The following SLC6A19 variants were observed in gnomAD, a reference collection of about 807,000 sequenced individuals.
SLC6A19 encodes the protein sodium-dependent neutral amino acid transporter B(0)AT1.
A neutral mutation model predicts 68.3 loss-of-function variants in SLC6A19; 67 were observed. That is an observed-to-expected ratio of 0.98 (90% CI 0.81 to 1.20). SLC6A19 has a LOEUF of 1.20. Among genes scored for constraint, SLC6A19 ranks in the 50% most tolerant of loss-of-function variants. The pLI is 0.00. For missense variants in SLC6A19, 813 were observed against 851.6 expected (o/e 0.95, Z 0.56); for synonymous variants, 392 against 374.9 (o/e 1.05, Z -0.53).
rs1429604415 is a variant in SLC6A19 at position 1,219,016 on chromosome 5, G to A, written c.1287G>A (p.Leu429=). The A allele has an allele frequency of 2.5e-6, 4 of 1,614,014 alleles. No individual in the cohort carries two copies. In the South Asian group the frequency reaches 3.3e-5, roughly 13 times the overall value. Reference sequence around the variant, plus strand: ...TCATTATGCTCTTCTGCCTGGGGCTGTCATCTATGTTTGGGAACATGGAGG... The same window carrying A: ...TCATTATGCTCTTCTGCCTGGGGCTATCATCTATGTTTGGGAACATGGAGG... The part of the protein sequence containing the change: ...LFFIMLFCLG[L]SSMFGNMEGV... The change falls in exon 9 of 12, where the codon CTG becomes CTA. Residue 429 remains leucine, a synonymous_variant. Transcript: ENST00000304460.
Position 1,215,180 on chromosome 5 carries a change from T to G in SLC6A19, c.887+1115T>G, listed in dbSNP as rs1746174059. Among the ~76,000 whole-genome samples, 1 of 152,070 alleles carries G rather than the reference T, an allele frequency of 6.6e-6. No homozygotes were observed. Among genetic ancestry groups the G allele is most frequent in the Non-Finnish European group, 1.5e-5 (1 of 67,996 alleles). On this transcript the variant is annotated intron_variant, in intron 6 of 11. Transcript: ENST00000304460. This position sits in a 1 kb window ranked among gnomAD's most constrained non-coding sequence, Gnocchi z 5.1. The stretch of plus-strand genomic sequence containing the variant: ...AGCTGGGGCAGGGCCAAGGCAGGAT[T>G]GAGGACTCTGACTTTTTCGTGGAGT...
intron 5 of SLC6A19, 90 bp downstream of exon 5, chr5:1,213,663 C>T (rs1251729573): frequency 4.6e-5 from 59 of 1,290,506 alleles, no homozygotes; most frequent in Middle Eastern, 4.7e-4. Context: ...CTCTCACCCA[C>T]GGGGACAGGC....
chr5:1,219,407 C>CT, intron 9 of SLC6A19, 98 bp from the exon 10 acceptor site: 1 of 1,537,794 alleles, frequency 6.5e-7, no homozygotes, highest in African/African-American at 1.4e-5. Flanking sequence ...AGCTCTGTCC[C>CT]TGGCCATATG....
chr5:1,210,808 C>T (rs572680079), intron 3 of SLC6A19, among the ~76,000 whole-genome samples: 13 of 152,126 alleles, frequency 8.5e-5, no homozygotes, highest in Admixed American at 4.6e-4. Context: ...CGTGGGAGCC[C>T]GGGGGGGCTG....
Position 1,212,586 on chromosome 5 carries a change from G to A in SLC6A19, c.663+102G>A, listed in dbSNP as rs115809678. The A allele has an allele frequency of 7.8e-4, 1,138 of 1,451,160 alleles. 7 individuals are homozygous for A. The African/African-American group carries it at 0.014, about 18-fold the overall frequency. 89.9% of individuals were successfully genotyped at this position (1,451,160 alleles called of 1,614,324 possible). A position where few individuals can be genotyped will look rare whatever the true frequency, so the allele number is the denominator to read the frequency against. Reference sequence around the variant, plus strand: ...TCTAAAACCCAGGTCTGGGGGTCCCGGGCTCTGCCTTTCCCCAGACCCCAC... The same window carrying A: ...TCTAAAACCCAGGTCTGGGGGTCCCAGGCTCTGCCTTTCCCCAGACCCCAC... On this transcript the variant is annotated intron_variant, in intron 4 of 11. Coordinates refer to ENST00000304460, the MANE Select transcript of SLC6A19 (RefSeq NM_001003841.3). This position sits in a 1 kb window ranked among gnomAD's most constrained non-coding sequence, Gnocchi z 5.1.
chr5:1,221,627 T>C (rs1175380813), intron 11 of SLC6A19, 74 bp from the exon 12 acceptor site: 1 of 1,569,944 alleles, frequency 6.4e-7, no homozygotes, highest in East Asian at 2.2e-5. Context: ...AGTCATGGGG[T>C]GAGGGGCCTT....
chr5:1,202,581 C>T (rs1213195060), intron 1 of SLC6A19, among the ~76,000 whole-genome samples: 7 of 152,298 alleles, frequency 4.6e-5, no homozygotes, highest in Admixed American at 3.9e-4. Context: ...TTGGGCTTGG[C>T]GAACCCCAAA....
In SLC6A19 at chr5:1,222,062, G is replaced by T. The variant is rs1235451980; in HGVS notation, c.*158G>T. The T allele has an allele frequency of 6.2e-6, 5 of 806,976 alleles. No individual in the cohort carries two copies. In the Admixed American group the frequency reaches 9.4e-5, roughly 15 times the overall value. The allele number at this position is 806,976 out of a possible 1,614,324, so 50.0% of individuals were successfully genotyped here. A position where few individuals can be genotyped will look rare whatever the true frequency, so the allele number is the denominator to read the frequency against. On this transcript the variant is annotated 3_prime_UTR_variant, in exon 12 of 12. Transcript: ENST00000304460. ...TGTACACGCATGTGCCATGTGTGCA[G>T]ATATGTATCGTGTGTGCATGTACAT...
Position 1,210,546 on chromosome 5 carries a change from C to G in SLC6A19, c.446C>G (p.Pro149Arg), listed in dbSNP as rs778015723. 1 of 1,613,304 alleles carries G rather than the reference C, an allele frequency of 6.2e-7. No individual in the cohort carries two copies. Among genetic ancestry groups the G allele is most frequent in the South Asian group, 1.1e-5 (1 of 91,086 alleles). ...YLFNSFQEPL[P>R]WSDCPLNENQ... is the part of the protein sequence containing the mutation. ...TTCAACTCCTTCCAGGAGCCTCTGC[C>G]CTGGAGCGACTGCCCGCTCAACGAG... Residue 149 changes from proline to arginine, a missense_variant, in exon 3 of 12, where the codon CCC becomes CGC. Pro to Arg is a moderately radical substitution (Grantham distance 103). Transcript: ENST00000304460.
rs772506132 is a variant in SLC6A19 at position 1,216,513 on chromosome 5, C to T, written c.888-45C>T. On this transcript the variant is annotated intron_variant, in intron 6 of 11. Transcript: ENST00000304460. ...ATGCTGCCCTGGGCTGTGTCCTGAC[C>T]TGGGACCTCATCGCCAGCCGCCATG... 39 of 1,613,172 alleles carry T rather than the reference C, an allele frequency of 2.4e-5. No individual in the cohort carries two copies. The East Asian group carries it at 2.7e-4, about 11-fold the overall frequency.
intron 8 of SLC6A19, among the ~76,000 whole-genome samples, chr5:1,218,393 G>A (rs115060265): frequency 0.013 from 2,009 of 152,316 alleles, 27 homozygotes; most frequent in African/African-American, 0.031. Flanking sequence ...GTGATGGGCC[G>A]GGGCCTGGTT....
chr5:1,220,225 C>T lies in SLC6A19; in HGVS notation c.1538+561C>T, dbSNP rs181064409. Among the ~76,000 whole-genome samples the T allele has an allele frequency of 2.6e-4, 39 of 152,102 alleles. No homozygotes were observed. In the East Asian group the frequency reaches 6.8e-3, roughly 26 times the overall value. ...AGCAGTTTGAGACCAGCCTGGCCAA[C>T]GCGATGAAACGCCGTCTCTACTAAT... On this transcript the variant is annotated intron_variant, in intron 10 of 11. Coordinates refer to ENST00000304460, the MANE Select transcript of SLC6A19 (RefSeq NM_001003841.3).
At chr5:1,217,991 G>A (rs1205530197) in intron 8 of SLC6A19, among the ~76,000 whole-genome samples, 1 of 125,996 alleles carries the variant, frequency 7.9e-6, no homozygotes, top group Non-Finnish European at 1.7e-5. Flanking sequence ...ACCAGAGTTG[G>A]CGCCTCCATC....
At chr5:1,206,300 C>G (rs773433642) in intron 1 of SLC6A19, among the ~76,000 whole-genome samples, 1 of 139,584 alleles carries the variant, frequency 7.2e-6, no homozygotes, top group Non-Finnish European at 1.5e-5. Flanking sequence ...CTGTTTCTGT[C>G]TGTGTGTGTG....
intron 10 of SLC6A19, among the ~76,000 whole-genome samples, chr5:1,220,400 G>C (rs1237418498): frequency 5.4e-5 from 7 of 128,670 alleles, no homozygotes; most frequent in African/African-American, 2.1e-4. Flanking sequence ...ACAAAATGAG[G>C]CTCCATCTCA....
At chr5:1,219,235 C>T in intron 9 of SLC6A19, 128 bp downstream of exon 9, 1 of 979,884 alleles carries the variant, frequency 1.0e-6, no homozygotes, top group Non-Finnish European at 1.5e-6. Context: ...AGCTCTGTCC[C>T]CGGCCGTGCG....
intron 8 of SLC6A19, among the ~76,000 whole-genome samples, chr5:1,218,093 A>G (rs997337373): frequency 5.1e-4 from 74 of 145,716 alleles, no homozygotes; most frequent in African/African-American, 1.7e-3. Context: ...CGTGCCTTGT[A>G]TGCACGTGCT....
intron 3 of SLC6A19, among the ~76,000 whole-genome samples, chr5:1,211,875 CGA>C (rs1008264461): frequency 1.5e-5 from 2 of 136,032 alleles, no homozygotes; most frequent in African/African-American, 2.9e-5. Flanking sequence ...GATGTGCACG[CGA>C]GAGTACAGTC....
chr5:1,213,217 A>G (rs1430761458), intron 4 of SLC6A19, among the ~76,000 whole-genome samples: 2 of 43,120 alleles, frequency 4.6e-5, no homozygotes, highest in African/African-American at 2.1e-4. Flanking sequence ...CATCCATTCC[A>G]CATGCTCTGC....
Sources: gnomAD v4.1 joint callset for allele counts (sites outside exome capture counted in the v4.1 genomes callset) on GRCh38, gnomAD v4.1.1 for gene constraint, Gnocchi (gnomAD v3.1) non-coding constraint, MANE v1.5 for transcripts, NCBI Gene and HGNC (gene_info 2026-07-23, HGNC 2026-07-21) for gene names.